ERFE: variants seen among roughly 807,000 people sequenced by gnomAD.
ERFE encodes the protein complement C1q tumor necrosis factor-related protein 15.
ERFE carries 25 observed loss-of-function variants against 26.6 expected under a neutral mutation model. The observed-to-expected ratio is 0.94, with a 90% CI of 0.69 to 1.31. The LOEUF (loss-of-function observed/expected upper bound fraction) is 1.31, where lower values mean the gene tolerates loss of function less well. Ranked by LOEUF, ERFE falls within the 40% of genes most tolerant of loss-of-function variation. The probability of loss-of-function intolerance (pLI) is 0.00; values close to 1 mark genes in which losing one functional copy is unlikely to be tolerated. For synonymous variants in ERFE, 206 were observed against 204.5 expected (o/e 1.01, Z -0.06); for missense variants, 447 against 440.2 (o/e 1.02, Z -0.14).
Position 238,164,077 on chromosome 2 carries a change from C to G in ERFE, c.690C>G (p.Pro230=), listed in dbSNP as rs925085996. The G allele has an allele frequency of 7.0e-7, 1 of 1,418,862 alleles. No homozygotes were observed. The highest frequency in any genetic ancestry group is 9.2e-7 in the Non-Finnish European group (1 of 1,090,466). 87.9% of individuals were successfully genotyped at this position (1,418,862 alleles called of 1,614,324 possible). The change falls in exon 5 of 8, where the codon CCC becomes CCG. Residue 230 remains proline, a splice_region_variant and synonymous_variant. Coordinates refer to ENST00000546354, the MANE Select transcript of ERFE (RefSeq NM_001291832.2). ...GTGACCATCCGTGCCCCTCGCAGCC[C>G]GACGCCGAGGGTGCCTTCCGCCGCG... ...ALHELGVYYL[P]DAEGAFRRGP...
At chr2:238,160,008 C>T (rs576658118) in intron 1 of ERFE, among the ~76,000 whole-genome samples, 57 of 152,322 alleles carry the variant, frequency 3.7e-4, no homozygotes, top group Middle Eastern at 3.4e-3. Flanking sequence ...TTCTCTATCC[C>T]GGCCCCATCA....
chr2:238,167,317 G>T lies in ERFE; in HGVS notation c.*263G>T, dbSNP rs1489066367. On this transcript the variant is annotated 3_prime_UTR_variant, in exon 8 of 8. Transcript: ENST00000546354. Reference sequence around the variant, plus strand: ...GGAAAGAAAGAGTCGGCGTGCCTGGGGGCACCTGCTAGTCTCCAGCTGCAG... The same window carrying T: ...GGAAAGAAAGAGTCGGCGTGCCTGGTGGCACCTGCTAGTCTCCAGCTGCAG... The T allele has an allele frequency of 2.9e-6, 2 of 680,492 alleles. No individual in the cohort carries two copies. The highest frequency in any genetic ancestry group is 3.5e-5 in the African/African-American group (2 of 56,832). 42.2% of individuals were successfully genotyped at this position (680,492 alleles called of 1,614,324 possible). A position where few individuals can be genotyped will look rare whatever the true frequency, so the allele number is the denominator to read the frequency against.
Position 238,164,352 on chromosome 2 carries a change from G to C in ERFE, c.879G>C (p.Gln293His). 1 of 1,542,422 alleles carries C rather than the reference G, an allele frequency of 6.5e-7. No homozygotes were observed. Among genetic ancestry groups the C allele is most frequent in the South Asian group, 1.2e-5 (1 of 83,980 alleles). ...TCATCTGCATCCAGTCCCGGTGCCA[G>C]CGCAACGCGTGAGTGTACCCCGGCC... The part of the protein sequence containing the change: ...RLLICIQSRC[Q>H]RNASLEAIMG... Residue 293 changes from glutamine (Q) to histidine (H), a missense_variant, in exon 6 of 8, where the codon CAG becomes CAC. Transcript: ENST00000546354.
At chr2:238,163,711 C>T (rs955875412) in intron 3 of ERFE, 26 bp from the exon 4 acceptor site, 2 of 1,277,660 alleles carry the variant, frequency 1.6e-6, no homozygotes, top group Non-Finnish European at 2.0e-6. Context: ...GTCCCTGGCG[C>T]GCGGCCACCG....
At position 238,165,700 on chromosome 2, in the gene ERFE, T is replaced by C. The variant is rs1559282961; in HGVS notation, c.966+16T>C. ...GTACCTGCAGGTGAGTGCGGCAGGC[T>C]TGGGCATCGAGGGGCACCGCCTGGG... On this transcript the variant is annotated intron_variant, in intron 7 of 7. Coordinates refer to ENST00000546354, the MANE Select transcript of ERFE (RefSeq NM_001291832.2). 2 of 1,544,190 alleles carry C rather than the reference T, an allele frequency of 1.3e-6. No individual in the cohort carries two copies. The highest frequency in any genetic ancestry group is 3.9e-5 in the Admixed American group (2 of 50,922).
At chr2:238,163,647 G>A in intron 3 of ERFE, 90 bp from the exon 4 acceptor site, 1 of 1,217,618 alleles carries the variant, frequency 8.2e-7, no homozygotes, top group Non-Finnish European at 1.0e-6. Context: ...CAGGCCCCTG[G>A]TCTCGCTAGC....
chr2:238,161,806 C>G (rs1310237706), intron 2 of ERFE, 90 bp downstream of exon 2: 6 of 1,413,804 alleles, frequency 4.2e-6, no homozygotes, highest in Non-Finnish European at 5.6e-6. Context: ...TGAACATTTC[C>G]AATAGCACAC....
chr2:238,159,359 G>A, intron 1 of ERFE, among the ~76,000 whole-genome samples, 154 bp downstream of exon 1: 1 of 152,048 alleles, frequency 6.6e-6, no homozygotes, highest in Non-Finnish European at 1.5e-5. Context: ...GAGACTCAGG[G>A]CCGTGTAGAC....
Position 238,164,320 on chromosome 2 carries a change from C to A in ERFE, c.847C>A (p.Arg283Ser). The change falls in exon 6 of 8, where the codon CGC becomes AGC. Residue 283 changes from arginine to serine, a missense_variant. Physicochemically the swap from Arg to Ser is moderately radical, Grantham distance 110. Transcript: ENST00000546354. ...RGPPRPRDHLRLLICIQSRCQ... is the reference protein window; with the variant it reads ...RGPPRPRDHLSLLICIQSRCQ... ...GCCGCCGCGCCCCCGGGACCACCTGCGCCTGCTCATCTGCATCCAGTCCCG... is the reference window on the plus strand; with the variant it reads ...GCCGCCGCGCCCCCGGGACCACCTGAGCCTGCTCATCTGCATCCAGTCCCG... 1 of 1,533,986 alleles carries A rather than the reference C, an allele frequency of 6.5e-7. No homozygotes were observed. Among genetic ancestry groups the A allele is most frequent in the Admixed American group, 2.0e-5 (1 of 50,568 alleles).
chr2:238,160,458 T>C (rs1378158118), intron 1 of ERFE, among the ~76,000 whole-genome samples: 2 of 152,006 alleles, frequency 1.3e-5, no homozygotes, highest in African/African-American at 4.8e-5. Context: ...ACACAGGAAG[T>C]GGAAGAGGGT....
rs979079313 is a variant in ERFE, at chr2:238,168,758, G to C, written c.*1704G>C. 4.8e-6 allele frequency: 1 copy of C among 208,428 alleles called. No individual in the cohort carries two copies. Among genetic ancestry groups the C allele is most frequent in the African/African-American group, 2.3e-5 (1 of 43,538 alleles). The allele number at this position is 208,428 out of a possible 1,614,324, so 12.9% of individuals were successfully genotyped here. ...TCTAGATTTCACTTTGTATCCACTGGGCACAGATATTCTAGAGAACTTATC... is the reference window on the plus strand; with the variant it reads ...TCTAGATTTCACTTTGTATCCACTGCGCACAGATATTCTAGAGAACTTATC... On this transcript the variant is annotated 3_prime_UTR_variant, in exon 8 of 8. Coordinates refer to ENST00000546354, the MANE Select transcript of ERFE (RefSeq NM_001291832.2).
intron 7 of ERFE, among the ~76,000 whole-genome samples, chr2:238,166,096 C>A (rs1026911572): frequency 1.3e-5 from 2 of 152,192 alleles, no homozygotes; most frequent in African/African-American, 2.4e-5. Context: ...CTATGGGAAG[C>A]CAGATACGTT....
chr2:238,164,256 A>C lies in ERFE; in HGVS notation c.797-14A>C, dbSNP rs964806949. The C allele has an allele frequency of 1.9e-5, 28 of 1,446,856 alleles. No homozygotes were observed. The highest frequency in any genetic ancestry group is 2.8e-5 in the East Asian group (1 of 35,960). 89.6% of individuals were successfully genotyped at this position (1,446,856 alleles called of 1,614,324 possible). ...CCGCCCGCCCGCTTGACCACGTCCC[A>C]CCCTCCCCCGCAGCGCTCGGGGAGC... is the stretch of plus-strand genomic sequence containing the variant. On this transcript the variant is annotated splice_polypyrimidine_tract_variant and intron_variant, in intron 5 of 7. Transcript: ENST00000546354.
At chr2:238,164,044 G>C (rs960033332) in intron 4 of ERFE, 31 bp from the exon 5 acceptor site, 17 of 1,388,286 alleles carry the variant, frequency 1.2e-5, no homozygotes, top group Non-Finnish European at 1.3e-5. Context: ...GGCCGGGCGG[G>C]AGCCGGGGTG....
rs1413099943 is a variant in ERFE, at chr2:238,167,367, G to A, written c.*313G>A. On this transcript the variant is annotated 3_prime_UTR_variant, in exon 8 of 8. Transcript: ENST00000546354. ...GGCCGACTCTTTCCTGGCCTGCTCAGCACCTGCCCAGATGGCCTCTGCGTC... is the reference window on the plus strand; with the variant it reads ...GGCCGACTCTTTCCTGGCCTGCTCAACACCTGCCCAGATGGCCTCTGCGTC... 1.6e-6 allele frequency: 1 copy of A among 619,640 alleles called. No individual in the cohort carries two copies. The highest frequency in any genetic ancestry group is 3.4e-5 in the East Asian group (1 of 29,386). The allele number at this position is 619,640 out of a possible 1,614,324, so 38.4% of individuals were successfully genotyped here. A position where few individuals can be genotyped will look rare whatever the true frequency, so the allele number is the denominator to read the frequency against.
At chr2:238,159,842 G>A (rs1041862067) in intron 1 of ERFE, among the ~76,000 whole-genome samples, 3 of 152,214 alleles carry the variant, frequency 2.0e-5, no homozygotes, top group Non-Finnish European at 4.4e-5. Context: ...CAGTGTGGCC[G>A]GGCCTTGGGT....
Position 238,161,686 on chromosome 2 carries a change from G to T in ERFE, c.291G>T (p.Lys97Asn), listed in dbSNP as rs1692941311. The T allele has an allele frequency of 8.4e-6, 13 of 1,547,826 alleles. No homozygotes were observed. The highest frequency in any genetic ancestry group is 4.1e-5 in the African/African-American group (3 of 73,020). The stretch of plus-strand genomic sequence containing the variant: ...GTGACAAGGGTGTCAATGGCAAGAA[G>T]AGGAGCAGGGGCAAGGCCAAGAAGC... ...RQSDKGVNGK[K>N]RSRGKAKKLK... Residue 97 changes from lysine to asparagine, a missense_variant, in exon 2 of 8, where the codon AAG (lysine) becomes AAT (asparagine). Lys to Asn is a moderately conservative substitution (Grantham distance 94, BLOSUM62 0). Transcript: ENST00000546354.
In ERFE at chr2:238,162,853, C is replaced by A. The variant is rs557233499; in HGVS notation, c.424+15C>A. 1 of 1,540,562 alleles carries A rather than the reference C, an allele frequency of 6.5e-7. No homozygotes were observed. Among genetic ancestry groups the A allele is most frequent in the Admixed American group, 2.0e-5 (1 of 50,604 alleles). On this transcript the variant is annotated intron_variant, in intron 3 of 7. Coordinates refer to ENST00000546354, the MANE Select transcript of ERFE (RefSeq NM_001291832.2). Reference sequence around the variant, plus strand: ...GCTGCTGAAAGGTAGGGGTGTGCACCGGCTGGGACACACACACCCCGCTGT... The same window carrying A: ...GCTGCTGAAAGGTAGGGGTGTGCACAGGCTGGGACACACACACCCCGCTGT...
intron 6 of ERFE, 21 bp downstream of exon 6, chr2:238,164,381 ACC>A (rs1286522102): frequency 6.5e-7 from 1 of 1,541,022 alleles, no homozygotes; most frequent in Non-Finnish European, 8.7e-7. Context: ...CCCGGCCCGG[ACC>A]CCACACCCGC....
Sources: allele counts gnomAD v4.1 joint callset (sites outside exome capture counted in the v4.1 genomes callset), GRCh38; gene constraint gnomAD v4.1.1; transcripts MANE v1.5; gene names NCBI Gene and HGNC (gene_info 2026-07-23, HGNC 2026-07-21).